DNMT3A: variants seen among roughly 807,000 people sequenced by gnomAD.
DNMT3A encodes the protein DNA methyltransferase 3 alpha.
In DNMT3A, 267 loss-of-function variants were observed where a neutral mutation model predicts 117.6. The observed-to-expected ratio is 2.27, with a 90% CI of 2.05 to 2.51. DNMT3A has a LOEUF of 2.51. Ranked by LOEUF, DNMT3A falls within the 30% of genes most tolerant of loss-of-function variation. The pLI is 0.00. For synonymous variants in DNMT3A, 432 were observed against 474.8 expected (o/e 0.91, Z 1.17); for missense variants, 1,029 against 1,260.2 (o/e 0.82, Z 2.78).
chr2:25,273,837 A>C (rs2149363486), intron 6 of DNMT3A, among the ~76,000 whole-genome samples: 1 of 152,236 alleles, frequency 6.6e-6, no homozygotes, highest in Admixed American at 6.5e-5. Context: ...CCTCTGGGAA[A>C]ACCCCGTGCT....
intron 2 of DNMT3A, among the ~76,000 whole-genome samples, chr2:25,308,129 T>C (rs2033883393): frequency 6.6e-6 from 1 of 152,106 alleles, no homozygotes; most frequent in African/African-American, 2.4e-5. Context: ...CTGCAATTCA[T>C]GGGGCGGCAG....
At chr2:25,239,314 C>T (rs1673719412) in intron 19 of DNMT3A, 99 bp from the exon 20 acceptor site, 4 of 1,061,926 alleles carry the variant, frequency 3.8e-6, no homozygotes, top group Non-Finnish European at 4.3e-6. Flanking sequence ...AAGCCTCTTA[C>T]TTCTCTCTCA....
intron 2 of DNMT3A, among the ~76,000 whole-genome samples, chr2:25,307,827 T>G (rs2033866408): frequency 6.6e-6 from 1 of 152,098 alleles, no homozygotes; most frequent in Non-Finnish European, 1.5e-5. Flanking sequence ...CGACTCACCT[T>G]ATCAGCAGGG....
chr2:25,289,797 C>T (rs1262758470), intron 3 of DNMT3A, among the ~76,000 whole-genome samples: 1 of 152,210 alleles, frequency 6.6e-6, no homozygotes, highest in Non-Finnish European at 1.5e-5. Context: ...GAGCCCTCTG[C>T]TGTGGCCTGC....
Position 25,298,168 on chromosome 2 carries a change from C to T in DNMT3A, c.177+1971G>A, listed in dbSNP as rs986140266. On this transcript the variant is annotated intron_variant, in intron 3 of 22. Transcript: ENST00000321117. The surrounding 1 kb of genome is among the most constrained non-coding windows in gnomAD (Gnocchi z 4.3). ...CAGGCAGCAGCAGTTCAAGGTTACA[C>T]AGGTGGTCAGTGGTGGAGCCAGAAT... is the stretch of plus-strand genomic sequence containing the variant. Among the ~76,000 whole-genome samples, 2 of 152,228 alleles carry T rather than the reference C, an allele frequency of 1.3e-5. No individual in the cohort carries two copies. Among genetic ancestry groups the T allele is most frequent in the Admixed American group, 1.3e-4 (2 of 15,286 alleles).
At chr2:25,241,878 A>T (rs1674107057) in intron 16 of DNMT3A, 171 bp from the exon 17 acceptor site, 1 of 820,442 alleles carries the variant, frequency 1.2e-6, no homozygotes. Flanking sequence ...GAGTATCCAT[A>T]GTAAGGACAT....
intron 2 of DNMT3A, among the ~76,000 whole-genome samples, chr2:25,309,717 T>A (rs1191102785): frequency 6.6e-6 from 1 of 152,114 alleles, no homozygotes; most frequent in Non-Finnish European, 1.5e-5. Context: ...TAAGATAGAA[T>A]GATGAAAATA....
intron 1 of DNMT3A, among the ~76,000 whole-genome samples, chr2:25,335,884 T>C (rs1056991836): frequency 4.6e-5 from 7 of 151,896 alleles, no homozygotes; most frequent in Middle Eastern, 6.8e-3. Flanking sequence ...TATATCTAAA[T>C]AAGGCTGGGC....
intron 6 of DNMT3A, among the ~76,000 whole-genome samples, chr2:25,253,814 C>T (rs1675875505): frequency 1.3e-5 from 2 of 152,210 alleles, no homozygotes; most frequent in Admixed American, 1.3e-4. Context: ...TGGCTCACGC[C>T]TATAATCCCA....
chr2:25,256,488 C>T (rs989315253), intron 6 of DNMT3A, among the ~76,000 whole-genome samples: 4 of 152,158 alleles, frequency 2.6e-5, no homozygotes, highest in African/African-American at 9.7e-5. Flanking sequence ...TTACTGGCTG[C>T]ATGTGTCTAT....
In DNMT3A at chr2:25,305,993, C is replaced by T. The variant is rs981142030; in HGVS notation, c.73-5750G>A. Among the ~76,000 whole-genome samples the T allele has an allele frequency of 1.8e-4, 28 of 152,352 alleles. No individual in the cohort carries two copies. Among genetic ancestry groups the T allele is most frequent in the East Asian group, 9.6e-4 (5 of 5,188 alleles). Reference sequence around the variant, plus strand: ...TGCCGGATCTAGCCAGCTACTTGCCCGGGCCCCCTGGGACAAGAAGCATGC... The same window carrying T: ...TGCCGGATCTAGCCAGCTACTTGCCTGGGCCCCCTGGGACAAGAAGCATGC... On this transcript the variant is annotated intron_variant, in intron 2 of 22. Transcript: ENST00000321117. The surrounding 1 kb of genome is among the most constrained non-coding windows in gnomAD (Gnocchi z 4.1).
chr2:25,331,467 A>C lies in DNMT3A; in HGVS notation c.-178+10359T>G, dbSNP rs74973550. ...TCTCTCTCCGCAGACCTGCCTCTGAATGGAGAGTGACGGAAAGGCTGGACA... is the reference window on the plus strand; with the variant it reads ...TCTCTCTCCGCAGACCTGCCTCTGACTGGAGAGTGACGGAAAGGCTGGACA... On this transcript the variant is annotated intron_variant, in intron 1 of 22. Coordinates refer to ENST00000321117, the MANE Select transcript of DNMT3A (RefSeq NM_022552.5). Among the ~76,000 whole-genome samples, 539 of 152,246 alleles carry C rather than the reference A, an allele frequency of 3.5e-3. 13 individuals carry two copies. In the East Asian group the frequency reaches 0.039, roughly 11 times the overall value.
rs2031329432 is a variant in DNMT3A at position 25,275,493 on chromosome 2, C to T, written c.492+7G>A. ...ATCCACAGAGCCCCTGGGGGTGGAA[C>T]ACTTGCCTCCATTTTCATGGATTCG... On this transcript the variant is annotated splice_region_variant and intron_variant, in intron 5 of 22. Transcript: ENST00000321117. The T allele has an allele frequency of 1.3e-6, 2 of 1,587,854 alleles. No individual in the cohort carries two copies. Among genetic ancestry groups the T allele is most frequent in the East Asian group, 4.8e-5 (2 of 41,954 alleles).
chr2:25,244,429 A>G (rs1573327912), intron 14 of DNMT3A, 91 bp from the exon 15 acceptor site: 11 of 1,565,504 alleles, frequency 7.0e-6, no homozygotes, highest in Non-Finnish European at 6.1e-6. Flanking sequence ...CCGGGTCTGG[A>G]GCATGGCTAG....
intron 1 of DNMT3A, among the ~76,000 whole-genome samples, chr2:25,316,256 TG>T (rs2034377698): frequency 6.6e-6 from 1 of 152,180 alleles, no homozygotes; most frequent in Non-Finnish European, 1.5e-5. Flanking sequence ...AGAGAAGCTC[TG>T]GAGAGGAAGG....
intron 6 of DNMT3A, among the ~76,000 whole-genome samples, chr2:25,261,008 C>T (rs772859758): frequency 2.0e-5 from 3 of 151,146 alleles, no homozygotes; most frequent in Non-Finnish European, 4.4e-5. Flanking sequence ...CAAAAATTAA[C>T]GTAGGCCCGG....
chr2:25,307,625 T>A (rs2033855271), intron 2 of DNMT3A, among the ~76,000 whole-genome samples: 1 of 151,982 alleles, frequency 6.6e-6, no homozygotes, highest in Non-Finnish European at 1.5e-5. Flanking sequence ...ACCACCACGC[T>A]GGGCTAATTT....
intron 19 of DNMT3A, 31 bp from the exon 20 acceptor site, chr2:25,239,246 C>T (rs1232856784): frequency 6.2e-7 from 1 of 1,603,730 alleles, no homozygotes; most frequent in Admixed American, 1.7e-5. Flanking sequence ...TGAAGATGAG[C>T]CAAGGAGGAG....
intron 1 of DNMT3A, among the ~76,000 whole-genome samples, chr2:25,315,029 C>A (rs114096282): frequency 2.0e-5 from 3 of 152,318 alleles, no homozygotes; most frequent in East Asian, 3.9e-4. Context: ...TCCCCACCCC[C>A]GGAGGAGGCG....
Sources: gnomAD v4.1 joint callset for allele counts (sites outside exome capture counted in the v4.1 genomes callset) on GRCh38, gnomAD v4.1.1 for gene constraint, Gnocchi (gnomAD v3.1) non-coding constraint, MANE v1.5 for transcripts, NCBI Gene and HGNC (gene_info 2026-07-23, HGNC 2026-07-21) for gene names.